PTK7: variants seen among roughly 807,000 people sequenced by gnomAD.
PTK7 encodes the protein inactive tyrosine-protein kinase 7.
Under a neutral mutation model 116.6 loss-of-function variants are expected in PTK7, and 39 were observed. The observed-to-expected ratio is 0.33, with a 90% CI of 0.26 to 0.44. The LOEUF is 0.44. PTK7 is among the 20% of genes least tolerant of loss of function. The pLI is 1.00. For synonymous variants in PTK7, 546 were observed against 563.6 expected, an observed-to-expected ratio of 0.97 and a Z score of 0.44; for missense variants, 1,169 against 1,425.6, an observed-to-expected ratio of 0.82 and a Z score of 2.90.
At chr6:43,144,146 G>A (rs1330220208) in intron 14 of PTK7, among the ~76,000 whole-genome samples, 1 of 152,140 alleles carries the variant, frequency 6.6e-6, no homozygotes, top group Non-Finnish European at 1.5e-5. Context: ...CCCCATGAAA[G>A]CAAAAATCCT....
intron 1 of PTK7, among the ~76,000 whole-genome samples, chr6:43,116,647 T>TGCGCGCGCGCGC (rs1417461604): frequency 2.7e-5 from 2 of 74,254 alleles, no homozygotes; most frequent in African/African-American, 1.2e-4. Flanking sequence ...TGTGTGTGTG[T>TGCGCGCGCGCGC]GTGTGCGCGC....
At chr6:43,150,844 G>T (rs1771030722) in intron 17 of PTK7, among the ~76,000 whole-genome samples, 1 of 115,384 alleles carries the variant, frequency 8.7e-6, no homozygotes, top group Non-Finnish European at 1.6e-5. Context: ...CTCTGTCTCT[G>T]TCACTCAGGC....
At position 43,157,352 on chromosome 6, in the gene PTK7, A is replaced by T. The variant is rs1561990263; in HGVS notation, c.2722-1465A>T. Among the ~76,000 whole-genome samples the T allele has an allele frequency of 4.8e-3, 22 of 4,604 alleles. 1 individual carries two copies. Among genetic ancestry groups the T allele is most frequent in the Admixed American group, 9.4e-3 (2 of 212 alleles). The allele number at this position is 4,604 out of a possible 152,430, so 3.0% of individuals were successfully genotyped here. On this transcript the variant is annotated intron_variant, in intron 17 of 19. Coordinates refer to ENST00000230419, the MANE Select transcript of PTK7 (RefSeq NM_002821.5). ...TATATATATATATATATATATATATATATATATATATATTTTTTTTTTTCT... is the reference window on the plus strand; with the variant it reads ...TATATATATATATATATATATATATTTATATATATATATTTTTTTTTTTCT...
intron 1 of PTK7, among the ~76,000 whole-genome samples, chr6:43,127,956 A>G (rs1212016869): frequency 6.6e-6 from 1 of 152,134 alleles, no homozygotes; most frequent in African/African-American, 2.4e-5. Context: ...GGACATGGGA[A>G]TGACCTTGGC....
intron 17 of PTK7, among the ~76,000 whole-genome samples, chr6:43,151,312 C>T (rs1455024267): frequency 1.4e-5 from 2 of 146,198 alleles, no homozygotes; most frequent in South Asian, 2.2e-4. Flanking sequence ...CCCGGGTTCA[C>T]GCCATTCTCC....
In PTK7 at chr6:43,129,984, C is replaced by T. The variant is rs1253173370; in HGVS notation, c.470+155C>T. 6.6e-6 allele frequency among the ~76,000 whole-genome samples: 1 copy of T among 152,170 alleles called. No homozygotes were observed. The highest frequency in any genetic ancestry group is 1.5e-5 in the Non-Finnish European group (1 of 68,036). ...CACCCTGCCCTCCCCCAGATATTGC[C>T]CTATGCCGGCCCCTGGTGGCCTGAA... On this transcript the variant is annotated intron_variant, in intron 3 of 19. Coordinates refer to ENST00000230419, the MANE Select transcript of PTK7 (RefSeq NM_002821.5). The surrounding 1 kb of genome is among the most constrained non-coding windows in gnomAD (Gnocchi z 4.5).
intron 1 of PTK7, among the ~76,000 whole-genome samples, chr6:43,088,571 A>C (rs1252727510): frequency 6.7e-6 from 1 of 149,326 alleles, no homozygotes; most frequent in Non-Finnish European, 1.5e-5. Flanking sequence ...GCATGCCTGT[A>C]ATCCCAGCTA....
chr6:43,079,047 A>T (rs1766216816), intron 1 of PTK7, among the ~76,000 whole-genome samples: 1 of 152,032 alleles, frequency 6.6e-6, no homozygotes, highest in African/African-American at 2.4e-5. Flanking sequence ...TTGTCAAATG[A>T]TATACTCAAA....
intron 1 of PTK7, among the ~76,000 whole-genome samples, chr6:43,078,366 A>G (rs543944686): frequency 3.3e-5 from 5 of 152,274 alleles, no homozygotes; most frequent in Non-Finnish European, 7.4e-5. Context: ...TCTTGTGCTC[A>G]ACAAAGGAAC....
At chr6:43,132,781 C>T (rs1363796148) in intron 7 of PTK7, 94 bp downstream of exon 7, 1 of 1,509,842 alleles carries the variant, frequency 6.6e-7, no homozygotes, top group Non-Finnish European at 9.0e-7. Flanking sequence ...CACCTGAGGT[C>T]CTCTCAGTTC....
In PTK7 at chr6:43,105,450, C is replaced by CAAAAAAAAAAAAAAA. The variant is rs34623759; in HGVS notation, c.80-23521_80-23507dup. On this transcript the variant is annotated intron_variant, in intron 1 of 19. Transcript: ENST00000230419. ...AAGACATCTGTGGTTAACTGTATAG[C>CAAAAAAAAAAAAAAA]AAAAAAAAAAAAAAAAAAAAGCAAC... Among the ~76,000 whole-genome samples, 2 of 93,422 alleles carry CAAAAAAAAAAAAAAA rather than the reference C, an allele frequency of 2.1e-5. 1 individual carries two copies. The highest frequency in any genetic ancestry group is 4.2e-5 in the Non-Finnish European group (2 of 48,184). The allele number at this position is 93,422 out of a possible 152,430, so 61.3% of individuals were successfully genotyped here.
intron 7 of PTK7, chr6:43,133,064 T>G: frequency 2.4e-6 from 1 of 418,778 alleles, no homozygotes; most frequent in Non-Finnish European, 4.2e-6. Flanking sequence ...AGTAATCTAC[T>G]ACCTACCCCA....
intron 19 of PTK7, 44 bp downstream of exon 19, chr6:43,160,010 G>A (rs764716854): frequency 1.3e-6 from 2 of 1,582,952 alleles, no homozygotes; most frequent in African/African-American, 2.7e-5. Context: ...ATGGGCCCCA[G>A]ATGGGGCCTA....
chr6:43,108,061 G>A (rs949426753), intron 1 of PTK7, among the ~76,000 whole-genome samples: 3 of 148,654 alleles, frequency 2.0e-5, no homozygotes, highest in African/African-American at 7.4e-5. Context: ...CTTCTGTCTT[G>A]TTTTCCAAAT....
chr6:43,090,792 T>C (rs1766904869), intron 1 of PTK7, among the ~76,000 whole-genome samples: 1 of 152,208 alleles, frequency 6.6e-6, no homozygotes, highest in Non-Finnish European at 1.5e-5. Context: ...CCTGAAAGGC[T>C]CGTTAAATGT....
chr6:43,115,056 C>G (rs1768431197), intron 1 of PTK7, among the ~76,000 whole-genome samples: 1 of 146,108 alleles, frequency 6.8e-6, no homozygotes. Flanking sequence ...AAAAAAAAAA[C>G]TTTACAAAAA....
In PTK7 at chr6:43,143,703, A is replaced by G; in HGVS notation, c.2251+83A>G. On this transcript the variant is annotated intron_variant, in intron 14 of 19. Transcript: ENST00000230419. This position sits in a 1 kb window ranked among gnomAD's most constrained non-coding sequence, Gnocchi z 4.2. ...CGGCCACGGAGGGGAGAGCGCCAGC[A>G]CTCTGGAAACCGAGCGGCTGTTGCT... The G allele has an allele frequency of 2.1e-6, 3 of 1,439,102 alleles. No homozygotes were observed. Among genetic ancestry groups the G allele is most frequent in the Non-Finnish European group, 2.8e-6 (3 of 1,067,568 alleles). 89.1% of individuals were successfully genotyped at this position (1,439,102 alleles called of 1,614,324 possible). A position where few individuals can be genotyped will look rare whatever the true frequency, so the allele number is the denominator to read the frequency against.
At chr6:43,125,361 C>T (rs1235429908) in intron 1 of PTK7, among the ~76,000 whole-genome samples, 1 of 152,168 alleles carries the variant, frequency 6.6e-6, no homozygotes, top group African/African-American at 2.4e-5. Flanking sequence ...CTCACCACAG[C>T]TATGGAGCAG....
At position 43,141,565 on chromosome 6, in the gene PTK7, G is replaced by A. The variant is rs1045332425; in HGVS notation, c.1619-103G>A. ...TTTGGACTTTGCCTGTGGGTGGTCAGGAGCGATGGTGTGTTTTTGAGTAGA... is the reference window on the plus strand; with the variant it reads ...TTTGGACTTTGCCTGTGGGTGGTCAAGAGCGATGGTGTGTTTTTGAGTAGA... On this transcript the variant is annotated intron_variant, in intron 10 of 19. Coordinates refer to ENST00000230419, the MANE Select transcript of PTK7 (RefSeq NM_002821.5). The surrounding 1 kb of genome is among the most constrained non-coding windows in gnomAD (Gnocchi z 4.9). 7.2e-7 allele frequency: 1 copy of A among 1,389,166 alleles called. No homozygotes were observed. Among genetic ancestry groups the A allele is most frequent in the East Asian group, 2.3e-5 (1 of 43,242 alleles). The allele number at this position is 1,389,166 out of a possible 1,614,324, so 86.1% of individuals were successfully genotyped here.
Sources: gnomAD v4.1 joint callset for allele counts (sites outside exome capture counted in the v4.1 genomes callset) on GRCh38, gnomAD v4.1.1 for gene constraint, Gnocchi (gnomAD v3.1) non-coding constraint, MANE v1.5 for transcripts, NCBI Gene and HGNC (gene_info 2026-07-23, HGNC 2026-07-21) for gene names.